The following FAM13A variants were observed in gnomAD, a reference collection of about 807,000 sequenced individuals.
FAM13A encodes the protein protein FAM13A.
FAM13A carries 76 observed loss-of-function variants against 129.6 expected under a neutral mutation model. The ratio of observed to expected loss-of-function variants is 0.59; its 90% CI spans 0.49 to 0.71. FAM13A has a LOEUF of 0.71. FAM13A is among the 30% of genes least tolerant of loss of function. The pLI, the probability that FAM13A is intolerant of heterozygous loss-of-function variation, is 0.00. For missense variants in FAM13A, 1,108 were observed against 1,249.3 expected, an observed-to-expected ratio of 0.89 and a Z score of 1.70; for synonymous variants, 443 against 449.9, an observed-to-expected ratio of 0.98 and a Z score of 0.20.
intron 7 of FAM13A, among the ~76,000 whole-genome samples, chr4:88,833,745 G>T (rs1329972785): frequency 6.6e-6 from 1 of 151,998 alleles, no homozygotes; most frequent in Non-Finnish European, 1.5e-5. Context: ...AACTAGCCAG[G>T]TGTGGTGGTG....
intron 5 of FAM13A, among the ~76,000 whole-genome samples, chr4:88,911,283 C>G (rs535728038): frequency 6.6e-6 from 1 of 152,336 alleles, no homozygotes; most frequent in African/African-American, 2.4e-5. Flanking sequence ...TATGCTTTCT[C>G]TGTGCTGAGA....
At chr4:89,047,264 G>A (rs1770982940) in intron 1 of FAM13A, among the ~76,000 whole-genome samples, 1 of 151,980 alleles carries the variant, frequency 6.6e-6, no homozygotes, top group Non-Finnish European at 1.5e-5. Context: ...TATATTAAGT[G>A]GTTTTTTTTG....
chr4:89,049,806 G>A (rs1414761207), intron 1 of FAM13A, among the ~76,000 whole-genome samples: 1 of 152,148 alleles, frequency 6.6e-6, no homozygotes, highest in Non-Finnish European at 1.5e-5. Flanking sequence ...ACAGGCACCT[G>A]CCACCATGCC....
chr4:88,873,826 C>T (rs566872569), intron 6 of FAM13A, among the ~76,000 whole-genome samples: 62 of 152,206 alleles, frequency 4.1e-4, no homozygotes, highest in South Asian at 1.5e-3. Context: ...CTGGCAGAGA[C>T]ACAACAACAA....
intron 6 of FAM13A, among the ~76,000 whole-genome samples, chr4:88,864,763 T>C (rs778332956): frequency 1.3e-5 from 2 of 152,234 alleles, no homozygotes; most frequent in Admixed American, 6.5e-5. Flanking sequence ...TTTATAAGCA[T>C]GTGCTATTTT....
chr4:88,789,904 G>A (rs920718036), intron 9 of FAM13A, among the ~76,000 whole-genome samples: 18 of 152,092 alleles, frequency 1.2e-4, no homozygotes, highest in African/African-American at 4.3e-4. Context: ...GGGAACAGTA[G>A]GTCATGTGGC....
intron 15 of FAM13A, 135 bp downstream of exon 15, chr4:88,750,289 G>C (rs1482030791): frequency 2.8e-6 from 2 of 719,228 alleles, no homozygotes; most frequent in Non-Finnish European, 2.4e-6. Flanking sequence ...TGTGTCCTAG[G>C]ATGGAGAATT....
At chr4:88,959,891 G>C (rs556017896) in intron 4 of FAM13A, among the ~76,000 whole-genome samples, 85 of 152,282 alleles carry the variant, frequency 5.6e-4, no homozygotes, top group Admixed American at 1.6e-3. Flanking sequence ...CACTAGGCAG[G>C]TTTAAAACCA....
At chr4:88,914,565 A>C (rs1360509274) in intron 5 of FAM13A, among the ~76,000 whole-genome samples, 1 of 152,096 alleles carries the variant, frequency 6.6e-6, no homozygotes, top group Non-Finnish European at 1.5e-5. Flanking sequence ...CTGTGCATTC[A>C]TTCTTATCTT....
At chr4:88,897,499 T>A (rs866463762) in intron 6 of FAM13A, among the ~76,000 whole-genome samples, 3 of 152,208 alleles carry the variant, frequency 2.0e-5, no homozygotes, top group African/African-American at 7.2e-5. Context: ...TACAGACAGA[T>A]GGCTTAGATG....
intron 14 of FAM13A, among the ~76,000 whole-genome samples, chr4:88,757,396 T>G (rs1266095878): frequency 6.6e-6 from 1 of 152,190 alleles, no homozygotes; most frequent in East Asian, 1.9e-4. Context: ...GGTTACTGTA[T>G]TTTTCTTTTA....
At chr4:88,744,432 GCAGAGTGCCCT>G (rs1295683766) in intron 19 of FAM13A, among the ~76,000 whole-genome samples, 2 of 152,180 alleles carry the variant, frequency 1.3e-5, no homozygotes, top group African/African-American at 2.4e-5. Context: ...GTGTAACTCT[GCAGAGTGCCCT>G]CAGAGTGCCC....
intron 4 of FAM13A, among the ~76,000 whole-genome samples, chr4:88,976,886 A>G (rs192195925): frequency 1.3e-5 from 2 of 152,280 alleles, no homozygotes; most frequent in South Asian, 2.1e-4. Context: ...ACAACTGCCT[A>G]TAGCATTCAG....
intron 4 of FAM13A, among the ~76,000 whole-genome samples, chr4:88,970,491 T>C (rs1460812931): frequency 6.7e-6 from 1 of 149,338 alleles, no homozygotes; most frequent in Non-Finnish European, 1.5e-5. Context: ...ATCAGATATA[T>C]AGATACACTA....
intron 7 of FAM13A, among the ~76,000 whole-genome samples, chr4:88,829,601 G>C (rs1209608426): frequency 6.6e-6 from 1 of 152,172 alleles, no homozygotes; most frequent in Non-Finnish European, 1.5e-5. Flanking sequence ...AGATATTCTG[G>C]TGTTGTTATA....
chr4:88,782,732 A>G (rs10017416), intron 10 of FAM13A, among the ~76,000 whole-genome samples: 16,832 of 152,154 alleles, frequency 0.11, 1,339 homozygotes, highest in African/African-American at 0.21. Flanking sequence ...CACATTTATA[A>G]GAGATATTCT....
At chr4:88,891,052 G>T (rs1359069056) in intron 6 of FAM13A, among the ~76,000 whole-genome samples, 1 of 151,444 alleles carries the variant, frequency 6.6e-6, no homozygotes, top group Non-Finnish European at 1.5e-5. Context: ...ACCAGACCCA[G>T]AAAGTTTTAT....
chr4:89,033,761 G>A (rs1402495626), intron 1 of FAM13A, among the ~76,000 whole-genome samples: 1 of 151,994 alleles, frequency 6.6e-6, no homozygotes, highest in Non-Finnish European at 1.5e-5. Flanking sequence ...CACATAGAAG[G>A]GACTGATTGT....
intron 4 of FAM13A, among the ~76,000 whole-genome samples, chr4:88,948,583 G>C (rs946630459): frequency 6.6e-6 from 1 of 152,026 alleles, no homozygotes; most frequent in Non-Finnish European, 1.5e-5. Context: ...CCGCCTCCCG[G>C]GTTCAAGCAA....
Sources: allele counts gnomAD v4.1 joint callset (sites outside exome capture counted in the v4.1 genomes callset), GRCh38; gene constraint gnomAD v4.1.1; transcripts MANE v1.5; gene names NCBI Gene and HGNC (gene_info 2026-07-23, HGNC 2026-07-21).